The following GULP1 variants were observed in gnomAD, a reference collection of about 807,000 sequenced individuals.
GULP1 encodes the protein GULP PTB domain containing engulfment adaptor 1.
In GULP1, 19 loss-of-function variants were observed where a neutral mutation model predicts 40.9. The observed-to-expected ratio is 0.46, with a 90% CI of 0.32 to 0.68. The LOEUF is 0.68. Among genes scored for constraint, GULP1 ranks in the 30% least tolerant of loss-of-function variants. GULP1 has a pLI of 0.03. For missense variants in GULP1, 312 were observed against 362.2 expected (o/e 0.86, Z 1.12); for synonymous variants, 119 against 117.6 (o/e 1.01, Z -0.08).
At chr2:188,311,963 T>C (rs1313914952) in intron 1 of GULP1, among the ~76,000 whole-genome samples, 1 of 150,434 alleles carries the variant, frequency 6.6e-6, no homozygotes, top group Non-Finnish European at 1.5e-5. Context: ...AACTGGCTTT[T>C]TAACAAAATA....
intron 1 of GULP1, among the ~76,000 whole-genome samples, chr2:188,366,624 G>T (rs1324542923): frequency 8.2e-6 from 1 of 122,292 alleles, no homozygotes; most frequent in African/African-American, 3.2e-5. Flanking sequence ...ATGGAGTCTC[G>T]CTCTGTTGCC....
intron 6 of GULP1, among the ~76,000 whole-genome samples, chr2:188,532,810 A>C (rs1434615324): frequency 6.6e-6 from 1 of 150,852 alleles, no homozygotes; most frequent in Non-Finnish European, 1.5e-5. Context: ...AATCCCAGCC[A>C]CTCAGGAGGC....
intron 2 of GULP1, among the ~76,000 whole-genome samples, chr2:188,439,600 T>G (rs6757167): frequency 1.5e-3 from 225 of 152,256 alleles, no homozygotes; most frequent in African/African-American, 5.1e-3. Flanking sequence ...TGTGTGTGTA[T>G]GCGTATTTGT....
At chr2:188,337,694 G>A (rs968644216) in intron 1 of GULP1, among the ~76,000 whole-genome samples, 1 of 151,904 alleles carries the variant, frequency 6.6e-6, no homozygotes, top group Non-Finnish European at 1.5e-5. Context: ...TGGTAGTCGT[G>A]CTGAGCTCAC....
At chr2:188,519,906 G>A (rs1464823694) in intron 4 of GULP1, among the ~76,000 whole-genome samples, 1 of 152,012 alleles carries the variant, frequency 6.6e-6, no homozygotes, top group African/African-American at 2.4e-5. Context: ...AAACTCCTGA[G>A]TAGCTGAAAC....
intron 1 of GULP1, among the ~76,000 whole-genome samples, chr2:188,347,498 CA>C (rs1213055770): frequency 6.6e-6 from 1 of 151,928 alleles, no homozygotes; most frequent in Non-Finnish European, 1.5e-5. Context: ...AAATGTTCTT[CA>C]AAAAGTCCAA....
chr2:188,476,543 T>G (rs529640204), intron 2 of GULP1, among the ~76,000 whole-genome samples: 1 of 152,240 alleles, frequency 6.6e-6, no homozygotes, highest in African/African-American at 2.4e-5. Context: ...ATTAAACAGT[T>G]TTATTTAATG....
At chr2:188,482,744 T>C (rs1037314268) in intron 3 of GULP1, among the ~76,000 whole-genome samples, 9 of 151,366 alleles carry the variant, frequency 5.9e-5, no homozygotes, top group Non-Finnish European at 1.3e-4. Context: ...TTACTTTTAA[T>C]ATATTCTATC....
At chr2:188,352,608 T>TCACACA (rs773746742) in intron 1 of GULP1, among the ~76,000 whole-genome samples, 1 of 43,436 alleles carries the variant, frequency 2.3e-5, no homozygotes, top group African/African-American at 1.3e-4. Flanking sequence ...TCTTTCTCTC[T>TCACACA]CTCTCTCTCT....
chr2:188,568,177 C>A (rs1345674237), intron 7 of GULP1, among the ~76,000 whole-genome samples: 1 of 152,012 alleles, frequency 6.6e-6, no homozygotes, highest in Non-Finnish European at 1.5e-5. Flanking sequence ...AGATGATTAA[C>A]AAAGCATGTT....
At position 188,359,658 on chromosome 2, in the gene GULP1, A is replaced by G. The variant is rs1202247256; in HGVS notation, c.-171-24105A>G. On this transcript the variant is annotated intron_variant, in intron 1 of 11. Coordinates refer to ENST00000409830, the MANE Select transcript of GULP1 (RefSeq NM_016315.4). ...AGTTAGTTGTAAATATAAGAGCAAG[A>G]TGAACTGTATTAAAAATTATATTGA... Among the ~76,000 whole-genome samples, 3 of 152,264 alleles carry G rather than the reference A, an allele frequency of 2.0e-5. No homozygotes were observed. The East Asian group carries it at 5.8e-4, about 29-fold the overall frequency.
At chr2:188,420,586 C>T (rs1337723331) in intron 2 of GULP1, among the ~76,000 whole-genome samples, 2 of 152,038 alleles carry the variant, frequency 1.3e-5, no homozygotes, top group Non-Finnish European at 2.9e-5. Flanking sequence ...CACGTGGACA[C>T]CAGAGAGGGT....
chr2:188,300,430 A>G (rs369276525), intron 1 of GULP1, among the ~76,000 whole-genome samples: 3 of 152,254 alleles, frequency 2.0e-5, no homozygotes, highest in East Asian at 3.9e-4. Flanking sequence ...GACTTATTTA[A>G]GATTATATAT....
intron 4 of GULP1, chr2:188,491,729 A>T (rs2062409678): frequency 6.6e-6 from 1 of 152,116 alleles, no homozygotes; most frequent in South Asian, 2.1e-4. Flanking sequence ...TATTCATGAC[A>T]TTCTTTCATT....
intron 7 of GULP1, among the ~76,000 whole-genome samples, chr2:188,561,337 T>G (rs1384086626): frequency 2.0e-5 from 3 of 152,180 alleles, no homozygotes; most frequent in Non-Finnish European, 4.4e-5. Context: ...AAGCAGGCAC[T>G]GTGGTATGGG....
intron 9 of GULP1, among the ~76,000 whole-genome samples, chr2:188,579,738 T>G (rs1700886305): frequency 6.6e-6 from 1 of 152,178 alleles, no homozygotes; most frequent in South Asian, 2.1e-4. Context: ...TACTTGATTA[T>G]TTTTATATTA....
chr2:188,557,174 A>G (rs1188568990), intron 7 of GULP1, among the ~76,000 whole-genome samples: 1 of 152,180 alleles, frequency 6.6e-6, no homozygotes, highest in Non-Finnish European at 1.5e-5. Flanking sequence ...CCCAAATCTC[A>G]TATCCTTTTC....
intron 4 of GULP1, chr2:188,491,650 C>G (rs1045404099): frequency 1.3e-5 from 2 of 152,148 alleles, no homozygotes; most frequent in Non-Finnish European, 2.9e-5. Flanking sequence ...TTCAAAAGGT[C>G]TAAGATGAGG....
chr2:188,588,543 T>C (rs1281082017), intron 11 of GULP1: 4 of 153,494 alleles, frequency 2.6e-5, no homozygotes, highest in Non-Finnish European at 4.4e-5. Context: ...CTTTGCACTA[T>C]GGGCCATGAT....
Sources: gnomAD v4.1 joint callset for allele counts (sites outside exome capture counted in the v4.1 genomes callset) on GRCh38, gnomAD v4.1.1 for gene constraint, MANE v1.5 for transcripts, NCBI Gene and HGNC (gene_info 2026-07-23, HGNC 2026-07-21) for gene names.